The following TANGO2 variants were observed in gnomAD, a reference collection of about 807,000 sequenced individuals.
TANGO2 encodes transport and Golgi organization protein 2 homolog.
Under a neutral mutation model 39.1 loss-of-function variants are expected in TANGO2, and 26 were observed. The observed-to-expected ratio is 0.67, with a 90% confidence interval of 0.49 to 0.92. TANGO2 has a LOEUF of 0.92. Among genes scored for constraint, TANGO2 ranks in the 40% least tolerant of loss-of-function variants. The probability of loss-of-function intolerance (pLI) is 0.00; values close to 1 mark genes in which losing one functional copy is unlikely to be tolerated. For synonymous variants in TANGO2, 131 were observed against 144.5 expected (o/e 0.91, Z 0.67); for missense variants, 326 against 360.1 (o/e 0.91, Z 0.77).
intron 6 of TANGO2, among the ~76,000 whole-genome samples, chr22:20,060,114 C>T (rs2048088018): frequency 6.6e-6 from 1 of 152,062 alleles, no homozygotes; most frequent in Non-Finnish European, 1.5e-5. Flanking sequence ...CTTTGGGAGG[C>T]CAAGGCGGGT....
chr22:20,025,816 G>A (rs2040631345), intron 1 of TANGO2, among the ~76,000 whole-genome samples: 1 of 152,340 alleles, frequency 6.6e-6, no homozygotes, highest in Admixed American at 6.5e-5. Context: ...GGCATGGCGT[G>A]ATCTAGGCAG....
At position 20,063,023 on chromosome 22, in the gene TANGO2, G is replaced by A. The variant is rs5748517; in HGVS notation, c.606-315G>A. 352 of 305,144 alleles carry A rather than the reference G, an allele frequency of 1.2e-3. 1 individual carries two copies. In the East Asian group the frequency reaches 0.018, roughly 16 times the overall value. The allele number at this position is 305,144 out of a possible 1,614,324, so 18.9% of individuals were successfully genotyped here. ...AATCCCAGCTGACGGCTGGAGCCCC[G>A]ATGCTAGCTACAATGGCTGGCTTGA... On this transcript the variant is annotated intron_variant, in intron 7 of 8. Coordinates refer to ENST00000327374, the MANE Select transcript of TANGO2 (RefSeq NM_152906.7).
upstream of TANGO2, among the ~76,000 whole-genome samples, chr22:20,020,850 T>C (rs903247525): frequency 6.6e-5 from 10 of 152,054 alleles, no homozygotes; most frequent in Non-Finnish European, 1.2e-4. Flanking sequence ...ATGGCGTCCC[T>C]GCAGGCAGGG....
intron 3 of TANGO2, 59 bp from the exon 4 acceptor site, chr22:20,052,406 A>G: frequency 6.4e-7 from 1 of 1,553,532 alleles, no homozygotes; most frequent in Non-Finnish European, 8.7e-7. Flanking sequence ...AGGGCTGGGA[A>G]CCAGGTGGGG....
intron 2 of TANGO2, among the ~76,000 whole-genome samples, chr22:20,043,063 A>C (rs1602085203): frequency 6.6e-6 from 1 of 152,118 alleles, no homozygotes; most frequent in East Asian, 2.0e-4. Context: ...CCCAGGCTCC[A>C]TGGTGCCCCT....
upstream of TANGO2, among the ~76,000 whole-genome samples, chr22:20,018,461 T>C (rs1032926213): frequency 2.0e-5 from 3 of 152,170 alleles, no homozygotes; most frequent in African/African-American, 7.2e-5. Context: ...TTCAAGGCCA[T>C]TGGACCCTGG....
chr22:20,056,428 A>G (rs112354831), intron 6 of TANGO2: 242 of 465,066 alleles, frequency 5.2e-4, no homozygotes, highest in African/African-American at 4.0e-3. Context: ...AGCCCCACAC[A>G]GATGCACGCC....
intron 2 of TANGO2, among the ~76,000 whole-genome samples, chr22:20,038,185 G>A (rs943790686): frequency 3.9e-5 from 6 of 152,234 alleles, no homozygotes; most frequent in African/African-American, 1.4e-4. Context: ...TGTGTATACA[G>A]AGATAGAAGC....
At position 20,057,228 on chromosome 22, in the gene TANGO2, C is replaced by G. The variant is rs535333364; in HGVS notation, c.451+1215C>G. Among the ~76,000 whole-genome samples, 135 of 152,146 alleles carry G rather than the reference C, an allele frequency of 8.9e-4. No individual in the cohort carries two copies. The highest frequency in any genetic ancestry group is 1.5e-3 in the Non-Finnish European group (102 of 68,030). On this transcript the variant is annotated intron_variant, in intron 6 of 8. Transcript: ENST00000327374. This position sits in a 1 kb window ranked among gnomAD's most constrained non-coding sequence, Gnocchi z 4.1. Reference sequence around the variant, plus strand: ...CATCTTAGGGGGCTGGTGGTGCTGACGGGCTCATCATGAGTCCTGTGGTCC... The same window carrying G: ...CATCTTAGGGGGCTGGTGGTGCTGAGGGGCTCATCATGAGTCCTGTGGTCC...
At chr22:20,018,371 G>A (rs1945351839), upstream of TANGO2, among the ~76,000 whole-genome samples, 1 of 152,216 alleles carries the variant, frequency 6.6e-6, no homozygotes, top group Non-Finnish European at 1.5e-5. Flanking sequence ...TGACATTCTG[G>A]CTCAGGTGCT....
At chr22:20,045,499 CTT>C (rs695487) in intron 3 of TANGO2, among the ~76,000 whole-genome samples, 20,740 of 111,872 alleles carry the variant, frequency 0.19, 1,370 homozygotes, top group East Asian at 0.49. Context: ...GCCATCACTT[CTT>C]TTTTTTTTTT....
intron 5 of TANGO2, chr22:20,053,861 G>A: frequency 4.7e-6 from 2 of 429,346 alleles, no homozygotes; most frequent in Non-Finnish European, 4.7e-6. Context: ...GGCAGGCTGT[G>A]CAGAGCAGCC....
At chr22:20,036,167 A>C (rs564221535) in intron 1 of TANGO2, among the ~76,000 whole-genome samples, 11 of 152,230 alleles carry the variant, frequency 7.2e-5, no homozygotes, top group Middle Eastern at 3.4e-3. Flanking sequence ...ACAAGCCCCC[A>C]AAAAAACACC....
intron 1 of TANGO2, among the ~76,000 whole-genome samples, chr22:20,030,292 T>G (rs1246113155): frequency 1.3e-5 from 2 of 151,876 alleles, no homozygotes; most frequent in Non-Finnish European, 2.9e-5. Flanking sequence ...CTCAGCCTCC[T>G]CAGTAGCTAG....
intron 2 of TANGO2, among the ~76,000 whole-genome samples, chr22:20,039,863 C>A (rs1021095220): frequency 1.3e-5 from 2 of 149,588 alleles, no homozygotes; most frequent in Admixed American, 6.7e-5. Flanking sequence ...ACTCACCCCC[C>A]GAGATGATGC....
chr22:20,049,978 G>T (rs908549291), intron 3 of TANGO2, among the ~76,000 whole-genome samples: 1 of 152,116 alleles, frequency 6.6e-6, no homozygotes, highest in African/African-American at 2.4e-5. Flanking sequence ...GAAGGCCGAG[G>T]CGGGCCGATC....
At chr22:20,032,321 T>C (rs1196803490) in intron 1 of TANGO2, among the ~76,000 whole-genome samples, 1 of 152,202 alleles carries the variant, frequency 6.6e-6, no homozygotes, top group Non-Finnish European at 1.5e-5. Context: ...AGCCTGGTGG[T>C]TGTGTGCAGG....
At chr22:20,019,160 C>G (rs959523476), upstream of TANGO2, 2 of 152,222 alleles carry the variant, frequency 1.3e-5, no homozygotes, top group African/African-American at 4.8e-5. Flanking sequence ...AGTGTTCTCC[C>G]TCTCTCATCC....
chr22:20,046,348 G>A (rs2045184865), intron 3 of TANGO2, among the ~76,000 whole-genome samples: 1 of 151,880 alleles, frequency 6.6e-6, no homozygotes, highest in South Asian at 2.1e-4. Flanking sequence ...AAGCCTTGCT[G>A]TGTTGCACAA....
Sources: gnomAD v4.1 joint callset for allele counts (sites outside exome capture counted in the v4.1 genomes callset) on GRCh38, gnomAD v4.1.1 for gene constraint, Gnocchi (gnomAD v3.1) non-coding constraint, MANE v1.5 for transcripts, NCBI Gene and HGNC (gene_info 2026-07-23, HGNC 2026-07-21) for gene names.